DMBX1: variants seen among roughly 807,000 people sequenced by gnomAD.
The protein encoded by DMBX1 is diencephalon/mesencephalon homeobox protein 1.
A neutral mutation model predicts 30.4 loss-of-function variants in DMBX1; 7 were observed. That is an observed-to-expected ratio of 0.23 (90% CI 0.13 to 0.43). The LOEUF (loss-of-function observed/expected upper bound fraction) is 0.43, where lower values mean the gene tolerates loss of function less well. Among genes scored for constraint, DMBX1 ranks in the 20% least tolerant of loss-of-function variants. DMBX1 has a pLI of 1.00. For missense variants in DMBX1, 460 were observed against 508.5 expected (o/e 0.90, Z 0.92); for synonymous variants, 222 against 214.2 (o/e 1.04, Z -0.32).
In DMBX1 at chr1:46,493,677, C is replaced by T. The variant is rs909709906; in HGVS notation, c.-13+2894C>T. On this transcript the variant is annotated intron_variant, in intron 2 of 5. Transcript: ENST00000360032. This position sits in a 1 kb window ranked among gnomAD's most constrained non-coding sequence, Gnocchi z 4.1. The stretch of plus-strand genomic sequence containing the variant: ...CTGTGGGCGCTGCTTCCATGAGCCC[C>T]GAGGCCACTGGAGCCCACTGGGTTT... 2.0e-5 allele frequency among the ~76,000 whole-genome samples: 3 copies of T among 152,364 alleles called. No individual in the cohort carries two copies. Among genetic ancestry groups the T allele is most frequent in the African/African-American group, 4.8e-5 (2 of 41,584 alleles).
In DMBX1 at chr1:46,514,801, G is replaced by A. The variant is rs144530209; in HGVS notation, c.*2307G>A. 1.2e-3 allele frequency among the ~76,000 whole-genome samples: 177 copies of A among 152,330 alleles called. 1 individual carries two copies. The Middle Eastern group carries it at 0.014, about 12-fold the overall frequency. On this transcript the variant is annotated 3_prime_UTR_variant, in exon 6 of 6. Coordinates refer to ENST00000360032, the MANE Select transcript of DMBX1 (RefSeq NM_172225.2). Reference sequence around the variant, plus strand: ...TGTCCTGGTTGAATTGCTTTGCAGAGAAGTCAATGCCCATCACCCTTGATG... The same window carrying A: ...TGTCCTGGTTGAATTGCTTTGCAGAAAAGTCAATGCCCATCACCCTTGATG...
intron 3 of DMBX1, among the ~76,000 whole-genome samples, chr1:46,508,044 G>A (rs1333949611): frequency 2.0e-5 from 3 of 152,020 alleles, no homozygotes; most frequent in Admixed American, 6.6e-5. Context: ...CCAGCCTCTC[G>A]GTGGGTGAGA....
chr1:46,504,080 ATTTG>A (rs765771328), intron 2 of DMBX1, among the ~76,000 whole-genome samples: 14 of 152,080 alleles, frequency 9.2e-5, no homozygotes, highest in Non-Finnish European at 1.9e-4. Context: ...TTTCTTGTAA[ATTTG>A]TTTGAGTTCG....
At position 46,506,511 on chromosome 1, in the gene DMBX1, C is replaced by T. The variant is rs759905882; in HGVS notation, c.-12-488C>T. ...ATGAGTAAGTGCCTGAGTAATTGAA[C>T]GAAGAGATGATTGCATAAAGCAGCA... On this transcript the variant is annotated intron_variant, in intron 2 of 5. Coordinates refer to ENST00000360032, the MANE Select transcript of DMBX1 (RefSeq NM_172225.2). Among the ~76,000 whole-genome samples the T allele has an allele frequency of 3.4e-4, 51 of 152,156 alleles. 1 individual carries two copies. Among genetic ancestry groups the T allele is most frequent in the Non-Finnish European group, 6.2e-4 (42 of 68,042 alleles).
At chr1:46,496,889 T>C (rs556771357) in intron 2 of DMBX1, among the ~76,000 whole-genome samples, 3 of 152,348 alleles carry the variant, frequency 2.0e-5, no homozygotes, top group African/African-American at 7.2e-5. Flanking sequence ...TCTACCTGCA[T>C]GAGTAAAAGT....
rs374758116 is a variant in DMBX1 at position 46,507,046 on chromosome 1, C to T, written c.36C>T (p.His12=). 96 of 1,614,116 alleles carry T rather than the reference C, an allele frequency of 5.9e-5. No individual in the cohort carries two copies. Among genetic ancestry groups the T allele is most frequent in the East Asian group, 1.8e-4 (8 of 44,902 alleles). The change falls in exon 3 of 6, where the codon CAC becomes CAT. Residue 12 remains histidine (H), a synonymous_variant. Coordinates refer to ENST00000360032, the MANE Select transcript of DMBX1 (RefSeq NM_172225.2). ...ACGGGGTGAACGGCTACTCACTGCA[C>T]GCCATGAACTCACTCAGCGCCATGT... ...QHYGVNGYSL[H]AMNSLSAMYN...
At chr1:46,502,431 A>G (rs1045281207) in intron 2 of DMBX1, among the ~76,000 whole-genome samples, 7 of 151,942 alleles carry the variant, frequency 4.6e-5, no homozygotes, top group African/African-American at 1.7e-4. Context: ...CTACCTTCAA[A>G]ATACCAGAAT....
Position 46,490,674 on chromosome 1 carries a change from C to A in DMBX1, c.-122C>A, listed in dbSNP as rs1665913435. ...GTTCAAACTCAGCTGCCACCAAGTGCGCCTTTTCTCTCTGGATTGCGATTC... is the reference window on the plus strand; with the variant it reads ...GTTCAAACTCAGCTGCCACCAAGTGAGCCTTTTCTCTCTGGATTGCGATTC... On this transcript the variant is annotated 5_prime_UTR_variant, in exon 2 of 6. The change creates a premature stop within an existing upstream ORF in the 5' untranslated region. Coordinates refer to ENST00000360032, the MANE Select transcript of DMBX1 (RefSeq NM_172225.2). Among the ~76,000 whole-genome samples the A allele has an allele frequency of 6.6e-6, 1 of 152,266 alleles. No individual in the cohort carries two copies.
At position 46,515,054 on chromosome 1, in the gene DMBX1, T is replaced by A. The variant is rs2148494244; in HGVS notation, c.*2560T>A. Among the ~76,000 whole-genome samples the A allele has an allele frequency of 6.9e-6, 1 of 144,322 alleles. No individual in the cohort carries two copies. The highest frequency in any genetic ancestry group is 2.9e-5 in the African/African-American group (1 of 34,126). 94.7% of individuals were successfully genotyped at this position (144,322 alleles called of 152,430 possible). On this transcript the variant is annotated 3_prime_UTR_variant, in exon 6 of 6. Transcript: ENST00000360032. ...AGCACCAAGACAGGCATTTGAGGGT[T>A]TCCAAATCCTCAGGTCTCTTGCTGG...
intron 3 of DMBX1, 72 bp downstream of exon 3, chr1:46,507,236 G>C: frequency 1.9e-6 from 3 of 1,568,080 alleles, no homozygotes; most frequent in South Asian, 2.4e-5. Context: ...GGAAGGCAAA[G>C]AGGAGAGGGA....
In DMBX1 at chr1:46,512,745, C is replaced by T; in HGVS notation, c.*251C>T. On this transcript the variant is annotated 3_prime_UTR_variant, in exon 6 of 6. Coordinates refer to ENST00000360032, the MANE Select transcript of DMBX1 (RefSeq NM_172225.2). This position sits in a 1 kb window ranked among gnomAD's most constrained non-coding sequence, Gnocchi z 4.8. ...TGAGAGGCTGGGGTGCCCCAAGCTT[C>T]CCTCGGAGAAGTGAGAGGCTCTCCC... is the stretch of plus-strand genomic sequence containing the variant. The T allele has an allele frequency of 2.0e-6, 1 of 511,080 alleles. No individual in the cohort carries two copies. The highest frequency in any genetic ancestry group is 3.4e-6 in the Non-Finnish European group (1 of 290,288). The allele number at this position is 511,080 out of a possible 1,614,324, so 31.7% of individuals were successfully genotyped here. A position where few individuals can be genotyped will look rare whatever the true frequency, so the allele number is the denominator to read the frequency against.
chr1:46,494,657 G>A (rs1665995398), intron 2 of DMBX1, among the ~76,000 whole-genome samples: 1 of 152,150 alleles, frequency 6.6e-6, no homozygotes, highest in Non-Finnish European at 1.5e-5. Flanking sequence ...GGGGAGGTGA[G>A]AATCTCCTTT....
intron 3 of DMBX1, 39 bp downstream of exon 3, chr1:46,507,203 TGGG>T (rs758546090): frequency 2.5e-6 from 4 of 1,605,616 alleles, no homozygotes; most frequent in Non-Finnish European, 3.4e-6. Context: ...GACAGGACTG[TGGG>T]GGTTGGGGGA....
chr1:46,504,058 GTTGT>G (rs1557787158), intron 2 of DMBX1, among the ~76,000 whole-genome samples: 1 of 152,148 alleles, frequency 6.6e-6, no homozygotes, highest in Non-Finnish European at 1.5e-5. Flanking sequence ...TTTTGATGGG[GTTGT>G]TTGTTTTTTT....
In DMBX1 at chr1:46,511,017, C is replaced by T. The variant is rs1557790406; in HGVS notation, c.416C>T (p.Ala139Val). 6.2e-7 allele frequency: 1 copy of T among 1,614,110 alleles called. No homozygotes were observed. The highest frequency in any genetic ancestry group is 1.3e-5 in the African/African-American group (1 of 75,054). The part of the protein sequence containing the change: ...QKEQLQKQKE[A>V]EGSHGEGKAE... ...GAACAGCTCCAGAAGCAGAAGGAGG[C>T]TGAGGGCTCCCATGGGGAAGGCAAG... Residue 139 changes from alanine (A) to valine (V), a missense_variant, in exon 5 of 6, where the codon GCT becomes GTT. This residue lies in a region of DMBX1 where 334 missense variants were observed against 345.1 expected (regional missense o/e 0.97). Coordinates refer to ENST00000360032, the MANE Select transcript of DMBX1 (RefSeq NM_172225.2).
At chr1:46,494,434 G>T (rs1344764440) in intron 2 of DMBX1, among the ~76,000 whole-genome samples, 1 of 152,232 alleles carries the variant, frequency 6.6e-6, no homozygotes, top group Admixed American at 6.5e-5. Context: ...CCTGCGGGGG[G>T]CTAATTACCC....
At chr1:46,511,325 G>A (rs979845816) in intron 5 of DMBX1, 42 bp downstream of exon 5, 1 of 1,477,390 alleles carries the variant, frequency 6.8e-7, no homozygotes, top group Non-Finnish European at 9.0e-7. Flanking sequence ...GGGTCTGGGG[G>A]CCCTGAGCGT....
At chr1:46,504,661 T>C (rs1666197536) in intron 2 of DMBX1, among the ~76,000 whole-genome samples, 1 of 149,816 alleles carries the variant, frequency 6.7e-6, no homozygotes, top group Non-Finnish European at 1.5e-5. Context: ...TGCCTCCAGC[T>C]TTGTTCTTTT....
At position 46,512,702 on chromosome 1, in the gene DMBX1, G is replaced by T. The variant is rs1237194175; in HGVS notation, c.*208G>T. 5.1e-6 allele frequency: 3 copies of T among 585,800 alleles called. No individual in the cohort carries two copies. The highest frequency in any genetic ancestry group is 2.9e-6 in the Non-Finnish European group (1 of 345,554). 36.3% of individuals were successfully genotyped at this position (585,800 alleles called of 1,614,324 possible). Reference sequence around the variant, plus strand: ...CATGGCCCTGCCTGGACCCCATGGAGGCCGAATAGGGAGGAGGTGAGAGGC... The same window carrying T: ...CATGGCCCTGCCTGGACCCCATGGATGCCGAATAGGGAGGAGGTGAGAGGC... On this transcript the variant is annotated 3_prime_UTR_variant, in exon 6 of 6. Transcript: ENST00000360032. This position sits in a 1 kb window ranked among gnomAD's most constrained non-coding sequence, Gnocchi z 4.8.
Sources: allele counts gnomAD v4.1 joint callset (sites outside exome capture counted in the v4.1 genomes callset), GRCh38; gene constraint gnomAD v4.1.1; regional missense constraint gnomAD v4.1.1; non-coding constraint Gnocchi (gnomAD v3.1); transcripts MANE v1.5; gene names NCBI Gene and HGNC (gene_info 2026-07-23, HGNC 2026-07-21).